SEMA4G: variants seen among roughly 807,000 people sequenced by gnomAD.
SEMA4G encodes semaphorin 4G.
A neutral mutation model predicts 81.2 loss-of-function variants in SEMA4G; 59 were observed. The ratio of observed to expected loss-of-function variants is 0.73; its 90% confidence interval spans 0.59 to 0.90. The LOEUF (loss-of-function observed/expected upper bound fraction) is 0.90, where lower values mean the gene tolerates loss of function less well. SEMA4G is among the 40% of genes least tolerant of loss of function. The pLI, the probability that SEMA4G is intolerant of heterozygous loss-of-function variation, is 0.00. For missense variants in SEMA4G, 952 were observed against 1,102.3 expected (o/e 0.86, Z 1.93); for synonymous variants, 404 against 433.9 (o/e 0.93, Z 0.86).
chr10:100,978,681 TA>T (rs757655577), intron 6 of SEMA4G, 41 bp downstream of exon 7: 1 of 1,589,820 alleles, frequency 6.3e-7, no homozygotes, highest in East Asian at 2.2e-5. Flanking sequence ...GGTAGGGGAC[TA>T]TTTCTTCATT....
rs759364930 is a variant in SEMA4G at position 100,981,153 on chromosome 10, G to C, written c.1629-15G>C. 43 of 1,614,012 alleles carry C rather than the reference G, an allele frequency of 2.7e-5. No homozygotes were observed. Among genetic ancestry groups the C allele is most frequent in the Non-Finnish European group, 3.6e-5 (43 of 1,179,996 alleles). On this transcript the variant is annotated splice_polypyrimidine_tract_variant and intron_variant, in intron 12 of 13. Transcript: ENST00000370250. ...CCAGTTCCCCTTGTTCATAAAACCT[G>C]ATCTTCTGTCCCAGGACAGCACTGA...
At chr10:100,971,174 C>T (rs1035343563), upstream of SEMA4G, among the ~76,000 whole-genome samples, 2 of 152,136 alleles carry the variant, frequency 1.3e-5, no homozygotes, top group Admixed American at 1.3e-4. Context: ...TAATAGTCAC[C>T]CATGTGACTC....
intron 5 of SEMA4G, 59 bp downstream of exon 6, chr10:100,978,447 C>G (rs2133874421): frequency 1.9e-6 from 3 of 1,597,198 alleles, no homozygotes; most frequent in East Asian, 4.5e-5. Context: ...GATCTCATCT[C>G]TAGGACCTGC....
In SEMA4G at chr10:100,973,703, A is replaced by T; in HGVS notation, c.336+94A>T. The T allele has an allele frequency of 9.2e-7, 1 of 1,091,460 alleles. No individual in the cohort carries two copies. The highest frequency in any genetic ancestry group is 1.3e-6 in the Non-Finnish European group (1 of 753,734). 67.6% of individuals were successfully genotyped at this position (1,091,460 alleles called of 1,614,324 possible). A position where few individuals can be genotyped will look rare whatever the true frequency, so the allele number is the denominator to read the frequency against. On this transcript the variant is annotated intron_variant, in intron 3 of 13. Transcript: ENST00000370250. This position sits in a 1 kb window ranked among gnomAD's most constrained non-coding sequence, Gnocchi z 5.5. Reference sequence around the variant, plus strand: ...TGGGGACACAGATGGGTAGGTACAGACCTGCCAGTCAATCTCAGCAACCAC... The same window carrying T: ...TGGGGACACAGATGGGTAGGTACAGTCCTGCCAGTCAATCTCAGCAACCAC...
exon 9 of SEMA4G, chr10:100,979,958 A>C: frequency 6.2e-7 from 1 of 1,614,046 alleles, no homozygotes; most frequent in Non-Finnish European, 8.5e-7. Flanking sequence ...TGGGGTCGCT[A>C]TGAGGGTGGG....
Position 100,973,296 on chromosome 10 carries a change from G to A in SEMA4G, c.273+19G>A. 6.2e-7 allele frequency: 1 copy of A among 1,611,202 alleles called. No homozygotes were observed. The highest frequency in any genetic ancestry group is 8.5e-7 in the Non-Finnish European group (1 of 1,179,950). ...CAAAGAGGTCAGGCCCTGGAACCTG[G>A]ACCACCCAGAGGGTCTCTATGCTTA... On this transcript the variant is annotated intron_variant, in intron 2 of 13. Coordinates refer to ENST00000370250, the Ensembl canonical transcript of SEMA4G. This position sits in a 1 kb window ranked among gnomAD's most constrained non-coding sequence, Gnocchi z 5.5.
At chr10:100,984,102 G>T (rs375024485) in exon 14 of SEMA4G, 2 of 1,612,786 alleles carry the variant, frequency 1.2e-6, no homozygotes, top group Admixed American at 3.3e-5. Context: ...CACGCAGCTC[G>T]TGGAGCAGCT....
exon 14 of SEMA4G, chr10:100,984,640 G>C (rs1215245125): frequency 6.5e-7 from 1 of 1,536,180 alleles, no homozygotes; most frequent in Admixed American, 2.0e-5. Flanking sequence ...TTATCGGCTG[G>C]GCTGCAGTGC....
At chr10:100,979,115 GGAA>G in exon 8 of SEMA4G, 1 of 1,614,120 alleles carries the variant, frequency 6.2e-7, no homozygotes, top group Non-Finnish European at 8.5e-7. Flanking sequence ...GACCTGGGAG[GGAA>G]GAAGATCCTG....
chr10:100,972,804 G>T (rs560469443), exon 1 of SEMA4G: 1 of 1,233,294 alleles, frequency 8.1e-7, no homozygotes, highest in Non-Finnish European at 1.1e-6. Context: ...CCTTCCAAGT[G>T]ACTTCCTTGG....
chr10:100,982,220 A>AT, intron 13 of SEMA4G, among the ~76,000 whole-genome samples: 1 of 152,192 alleles, frequency 6.6e-6, no homozygotes, highest in East Asian at 1.9e-4. Context: ...CAGAGGGAGC[A>AT]GCAGGCAGAG....
chr10:100,976,488 CAG>C (rs1407476466), intron 3 of SEMA4G, among the ~76,000 whole-genome samples: 1 of 152,188 alleles, frequency 6.6e-6, no homozygotes, highest in East Asian at 1.9e-4. Context: ...GCTAGGACTA[CAG>C]GTGCATGCCA....
Position 100,980,661 on chromosome 10 carries a change from T to C in SEMA4G, c.1435T>C (p.Ser479Pro), listed in dbSNP as rs761134082. 1.9e-6 allele frequency: 3 copies of C among 1,614,078 alleles called. No individual in the cohort carries two copies. In the South Asian group the frequency reaches 3.3e-5, roughly 18 times the overall value. Reference sequence around the variant, plus strand: ...GACACAAGTGTTCAGGGAGTCCCAGTCTGTGGAAAATCTAGTCATCTCTCT... The same window carrying C: ...GACACAAGTGTTCAGGGAGTCCCAGCCTGTGGAAAATCTAGTCATCTCTCT... Residue 479 changes from serine to proline, a missense_variant, in exon 11 of 14, where the codon TCT (serine) becomes CCT (proline). Physicochemically the swap from Ser to Pro is moderately conservative, Grantham distance 74 (BLOSUM62 -1). This residue lies in a region of SEMA4G where 131 missense variants were observed against 200.7 expected (regional missense o/e 0.65). Transcript: ENST00000370250.
chr10:100,972,729 C>T (rs578092859), exon 1 of SEMA4G: 99 of 561,626 alleles, frequency 1.8e-4, no homozygotes, highest in Non-Finnish European at 2.6e-4. Context: ...ACTCCATGTC[C>T]CCCCGATTCC....
chr10:100,984,979 A>G (rs987306998), downstream of SEMA4G: 10 of 1,358,846 alleles, frequency 7.4e-6, no homozygotes, highest in Non-Finnish European at 9.7e-6. Flanking sequence ...TTCCACTCAC[A>G]TGCACCTCTG....
chr10:100,978,396 G>A lies in SEMA4G; in HGVS notation c.529+8G>A, dbSNP rs1359155543. 6.2e-7 allele frequency: 1 copy of A among 1,612,172 alleles called. No individual in the cohort carries two copies. Among genetic ancestry groups the A allele is most frequent in the East Asian group, 2.2e-5 (1 of 44,854 alleles). ...TCACAGGCCTCATCATTGGTGAGCA[G>A]GCCTTCTTCCCTATCACAGACATGG... is the stretch of plus-strand genomic sequence containing the variant. On this transcript the variant is annotated splice_region_variant and intron_variant, in intron 5 of 13. Coordinates refer to ENST00000370250, the Ensembl canonical transcript of SEMA4G.
At chr10:100,982,822 A>G (rs574688027) in intron 13 of SEMA4G, among the ~76,000 whole-genome samples, 1 of 152,292 alleles carries the variant, frequency 6.6e-6, no homozygotes, top group South Asian at 2.1e-4. Flanking sequence ...AAAGGCGAGC[A>G]AGAAAGAGAA....
At chr10:100,980,277 A>G (rs1345529789) in exon 10 of SEMA4G, 1 of 1,614,044 alleles carries the variant, frequency 6.2e-7, no homozygotes, top group African/African-American at 1.3e-5. Flanking sequence ...TACGCTACAC[A>G]CACCTTACAG....
exon 10 of SEMA4G, chr10:100,980,171 T>G: frequency 6.2e-7 from 1 of 1,614,236 alleles, no homozygotes; most frequent in Non-Finnish European, 8.5e-7. Flanking sequence ...TCCCAAGACT[T>G]GCCATCCCTG....
Sources: allele counts gnomAD v4.1 joint callset (sites outside exome capture counted in the v4.1 genomes callset), GRCh38; gene constraint gnomAD v4.1.1; regional missense constraint gnomAD v4.1.1; non-coding constraint Gnocchi (gnomAD v3.1); transcripts MANE v1.5; gene names NCBI Gene and HGNC (gene_info 2026-07-23, HGNC 2026-07-21).